The following NXN variants were observed in gnomAD, a reference collection of about 807,000 sequenced individuals.
NXN encodes the protein nucleoredoxin 1.
In NXN, 16 loss-of-function variants were observed where a neutral mutation model predicts 48.6. That is an observed-to-expected ratio of 0.33 (90% confidence interval 0.22 to 0.50). NXN has a LOEUF of 0.50. Ranked by LOEUF, NXN falls within the 20% of genes least tolerant of loss-of-function variation. NXN has a pLI of 0.98. For missense variants in NXN, 492 were observed against 605.5 expected (o/e 0.81, Z 1.97); for synonymous variants, 281 against 269.6 (o/e 1.04, Z -0.41).
intron 1 of NXN, among the ~76,000 whole-genome samples, chr17:970,231 C>T (rs764553242): frequency 5.9e-5 from 9 of 152,144 alleles, no homozygotes; most frequent in Non-Finnish European, 8.8e-5. Flanking sequence ...GCAGAAAGCA[C>T]AGGTTTGAGA....
chr17:840,955 C>A (rs1357700509), intron 1 of NXN, among the ~76,000 whole-genome samples: 1 of 152,238 alleles, frequency 6.6e-6, no homozygotes, highest in East Asian at 1.9e-4. Context: ...GCAGCCCCCA[C>A]TCCTCCACCG....
At chr17:931,533 T>C (rs1314863789) in intron 1 of NXN, among the ~76,000 whole-genome samples, 2 of 151,966 alleles carry the variant, frequency 1.3e-5, no homozygotes, top group Non-Finnish European at 2.9e-5. Context: ...AAGCACATGT[T>C]ATTTATTTTA....
intron 1 of NXN, among the ~76,000 whole-genome samples, chr17:908,496 G>C (rs898794314): frequency 3.3e-5 from 5 of 152,016 alleles, no homozygotes; most frequent in African/African-American, 1.2e-4. Context: ...AGATTGTGCC[G>C]TTGCACTCCA....
intron 1 of NXN, among the ~76,000 whole-genome samples, chr17:943,991 A>T (rs1288487993): frequency 6.6e-6 from 1 of 152,114 alleles, no homozygotes; most frequent in Admixed American, 6.5e-5. Context: ...TAATCCCAGC[A>T]CTTTGGGAGG....
At chr17:957,024 G>A (rs1321084529) in intron 1 of NXN, among the ~76,000 whole-genome samples, 2 of 152,060 alleles carry the variant, frequency 1.3e-5, no homozygotes, top group Admixed American at 6.6e-5. Flanking sequence ...AATTATAAAC[G>A]CCTTTGAAAG....
intron 1 of NXN, among the ~76,000 whole-genome samples, chr17:953,372 G>A (rs932405117): frequency 4.6e-5 from 7 of 152,040 alleles, no homozygotes; most frequent in Admixed American, 2.6e-4. Flanking sequence ...CTGAGATCGC[G>A]CCACTGCACT....
intron 1 of NXN, among the ~76,000 whole-genome samples, chr17:866,964 G>A (rs987182883): frequency 3.3e-5 from 5 of 152,108 alleles, no homozygotes; most frequent in Admixed American, 2.0e-4. Context: ...ATGCCAGCTT[G>A]GTCAGCAAGT....
rs569193666 is a variant in NXN, at chr17:931,117, A to C, written c.360+48202T>G. Among the ~76,000 whole-genome samples, 43 of 152,158 alleles carry C rather than the reference A, an allele frequency of 2.8e-4. No homozygotes were observed. In the South Asian group the frequency reaches 8.9e-3, roughly 32 times the overall value. ...TAAATCGATCTCTAGCCTAGCAGAA[A>C]ACCAACACATAATGTTGAAGTTCGC... On this transcript the variant is annotated intron_variant, in intron 1 of 7. Coordinates refer to ENST00000336868, the MANE Select transcript of NXN (RefSeq NM_022463.5).
chr17:860,299 T>G (rs980377156), intron 1 of NXN, among the ~76,000 whole-genome samples: 4 of 151,440 alleles, frequency 2.6e-5, no homozygotes, highest in Admixed American at 6.6e-5. Flanking sequence ...AATTTTTGTA[T>G]TTTCCATAGA....
At chr17:868,540 G>A (rs1202409813) in intron 1 of NXN, among the ~76,000 whole-genome samples, 2 of 152,012 alleles carry the variant, frequency 1.3e-5, no homozygotes, top group African/African-American at 2.4e-5. Flanking sequence ...CGCCCAGGCT[G>A]GAGTGCAGTG....
Position 819,528 on chromosome 17 carries a change from T to C in NXN, c.731A>G (p.Lys244Arg), listed in dbSNP as rs1222860217. ...VSADRSEESF[K>R]QYFSEMPWLA... is the part of the protein sequence containing the mutation. ...CCAGGGCATCTCACTGAAGTACTGT[T>C]TGAAGGACTCCTCCGACCTACAGAG... is the stretch of plus-strand genomic sequence containing the variant. Residue 244 changes from lysine to arginine, a missense_variant, in exon 5 of 8, where the codon AAA (lysine) becomes AGA (arginine). Lys to Arg is a conservative substitution (Grantham distance 26). Around this residue, in one of 3 missense-constraint regions of NXN, gnomAD observed 303 missense variants for 388.3 expected, o/e 0.78. Transcript: ENST00000336868. The C allele has an allele frequency of 1.2e-6, 2 of 1,607,174 alleles. No homozygotes were observed. The highest frequency in any genetic ancestry group is 1.7e-6 in the Non-Finnish European group (2 of 1,175,542).
At chr17:859,889 A>G (rs556793654) in intron 1 of NXN, among the ~76,000 whole-genome samples, 4 of 152,256 alleles carry the variant, frequency 2.6e-5, no homozygotes, top group Non-Finnish European at 5.9e-5. Flanking sequence ...AGGAACTCCA[A>G]TCTGTTCTAA....
intron 1 of NXN, among the ~76,000 whole-genome samples, chr17:965,535 G>A (rs2069291727): frequency 6.6e-6 from 1 of 152,180 alleles, no homozygotes; most frequent in African/African-American, 2.4e-5. Context: ...ACCGAGGAGT[G>A]TGGGCTGAAT....
chr17:870,944 C>T (rs1213149340), intron 1 of NXN, among the ~76,000 whole-genome samples: 3 of 151,924 alleles, frequency 2.0e-5, no homozygotes, highest in Non-Finnish European at 4.4e-5. Flanking sequence ...CTACAAGCTC[C>T]GCCTCCCGGG....
chr17:844,814 A>C (rs779626668), intron 1 of NXN, among the ~76,000 whole-genome samples: 1 of 151,804 alleles, frequency 6.6e-6, no homozygotes, highest in Non-Finnish European at 1.5e-5. Context: ...CAAGCTCTTG[A>C]CCTTGTGATC....
chr17:859,864 A>C (rs2068024192), intron 1 of NXN, among the ~76,000 whole-genome samples: 1 of 152,294 alleles, frequency 6.6e-6, no homozygotes, highest in East Asian at 1.9e-4. Flanking sequence ...CGAGCAAATT[A>C]ACAGAGGGAA....
At chr17:873,833 A>G (rs2068185797) in intron 1 of NXN, among the ~76,000 whole-genome samples, 1 of 152,222 alleles carries the variant, frequency 6.6e-6, no homozygotes, top group Non-Finnish European at 1.5e-5. Context: ...TTCATTAATT[A>G]CATAGGACAG....
chr17:888,084 C>T (rs370685800), intron 1 of NXN, among the ~76,000 whole-genome samples: 24 of 152,088 alleles, frequency 1.6e-4, no homozygotes, highest in African/African-American at 4.3e-4. Flanking sequence ...TGGGTTCATA[C>T]GACACGGATG....
intron 1 of NXN, among the ~76,000 whole-genome samples, chr17:934,772 G>A (rs1383782613): frequency 1.3e-5 from 2 of 151,888 alleles, no homozygotes; most frequent in Non-Finnish European, 2.9e-5. Flanking sequence ...TACTTGGGAG[G>A]CTGAGGCAGG....
Sources: allele counts gnomAD v4.1 joint callset (sites outside exome capture counted in the v4.1 genomes callset), GRCh38; gene constraint gnomAD v4.1.1; regional missense constraint gnomAD v4.1.1; transcripts MANE v1.5; gene names NCBI Gene and HGNC (gene_info 2026-07-23, HGNC 2026-07-21).